The following DRC11 variants were observed in gnomAD, a reference collection of about 807,000 sequenced individuals.
DRC11 encodes IQ and AAA domain-containing protein 1.
the DRC11 span, among the ~76,000 whole-genome samples, chr2:236,351,507 AAAG>A: frequency 6.6e-6 from 1 of 152,178 alleles, no homozygotes; most frequent in African/African-American, 2.4e-5. The surrounding 1 kb of genome is among the most constrained non-coding windows in gnomAD (Gnocchi z 7.3). Flanking sequence ...AGGGGTCAGA[AAAG>A]TGCACGGCCA....
the DRC11 span, chr2:236,497,391 A>C: frequency 6.2e-7 from 1 of 1,613,890 alleles, no homozygotes; most frequent in South Asian, 1.1e-5. The surrounding 1 kb of genome is among the most constrained non-coding windows in gnomAD (Gnocchi z 5.1). Flanking sequence ...GAAAGATGAA[A>C]ACCTGATTTC....
the DRC11 span, among the ~76,000 whole-genome samples, chr2:236,445,713 T>C: frequency 6.6e-6 from 1 of 152,144 alleles, no homozygotes; most frequent in Admixed American, 6.6e-5. This position sits in a 1 kb window ranked among gnomAD's most constrained non-coding sequence, Gnocchi z 4.8. Flanking sequence ...ATCTGAAATT[T>C]AATTAGTCTT....
chr2:236,336,883 T>A, the DRC11 span, among the ~76,000 whole-genome samples: 1 of 152,182 alleles, frequency 6.6e-6, no homozygotes, highest in African/African-American at 2.4e-5. The surrounding 1 kb of genome is among the most constrained non-coding windows in gnomAD (Gnocchi z 7.3). Context: ...GCCTTCCTCT[T>A]GACCACAGAG....
the DRC11 span, among the ~76,000 whole-genome samples, chr2:236,406,291 A>G: frequency 6.6e-6 from 1 of 152,258 alleles, no homozygotes; most frequent in African/African-American, 2.4e-5. This position sits in a 1 kb window ranked among gnomAD's most constrained non-coding sequence, Gnocchi z 4.7. Context: ...TACTGCTATT[A>G]TTTCCTGCCT....
At chr2:236,486,836 AG>A in the DRC11 span, 1 of 1,608,314 alleles carries the variant, frequency 6.2e-7, no homozygotes, top group Non-Finnish European at 8.5e-7. The surrounding 1 kb of genome is among the most constrained non-coding windows in gnomAD (Gnocchi z 5.7). Flanking sequence ...TACCATACCC[AG>A]GAAGATCATC....
At chr2:236,329,251 C>T in the DRC11 span, among the ~76,000 whole-genome samples, 1 of 152,202 alleles carries the variant, frequency 6.6e-6, no homozygotes, top group Non-Finnish European at 1.5e-5. Context: ...GCCTTAATCC[C>T]CCTGTGCCGT....
chr2:236,313,789 T>G, the DRC11 span, among the ~76,000 whole-genome samples: 2 of 152,198 alleles, frequency 1.3e-5, no homozygotes, highest in South Asian at 2.1e-4. The surrounding 1 kb of genome is among the most constrained non-coding windows in gnomAD (Gnocchi z 4.5). Flanking sequence ...GGAATTATGC[T>G]GAGTGAAAAA....
the DRC11 span, among the ~76,000 whole-genome samples, chr2:236,458,532 A>G: frequency 6.6e-6 from 1 of 152,234 alleles, no homozygotes. Context: ...GCAAATGTAC[A>G]TATAAAATGC....
chr2:236,381,437 T>C, the DRC11 span, among the ~76,000 whole-genome samples: 1 of 151,382 alleles, frequency 6.6e-6, no homozygotes, highest in Non-Finnish European at 1.5e-5. This position sits in a 1 kb window ranked among gnomAD's most constrained non-coding sequence, Gnocchi z 5.8. Flanking sequence ...AACGTTGTTA[T>C]AGCAGTCCAA....
the DRC11 span, among the ~76,000 whole-genome samples, chr2:236,311,821 A>G: frequency 6.6e-6 from 1 of 151,992 alleles, no homozygotes; most frequent in Non-Finnish European, 1.5e-5. The surrounding 1 kb of genome is among the most constrained non-coding windows in gnomAD (Gnocchi z 6.9). Context: ...GGAGTGTGAC[A>G]GGATGCTAAG....
the DRC11 span, among the ~76,000 whole-genome samples, chr2:236,369,524 T>C: frequency 1.3e-5 from 2 of 152,208 alleles, no homozygotes; most frequent in Non-Finnish European, 2.9e-5. The surrounding 1 kb of genome is among the most constrained non-coding windows in gnomAD (Gnocchi z 4.5). Context: ...CCAGCGCTCA[T>C]TGCCAGTAAA....
the DRC11 span, among the ~76,000 whole-genome samples, chr2:236,365,115 C>T: frequency 2.0e-5 from 3 of 151,942 alleles, no homozygotes; most frequent in Non-Finnish European, 4.4e-5. The surrounding 1 kb of genome is among the most constrained non-coding windows in gnomAD (Gnocchi z 7.4). Flanking sequence ...CTGTGGTAGC[C>T]CTGGCTGGGA....
chr2:236,312,561 T>A, the DRC11 span, among the ~76,000 whole-genome samples: 1 of 152,056 alleles, frequency 6.6e-6, no homozygotes, highest in East Asian at 1.9e-4. Context: ...GGAGATAGAT[T>A]TTCAGAAAAA....
chr2:236,367,108 C>T, the DRC11 span, among the ~76,000 whole-genome samples: 1 of 150,776 alleles, frequency 6.6e-6, no homozygotes, highest in Non-Finnish European at 1.5e-5. The surrounding 1 kb of genome is among the most constrained non-coding windows in gnomAD (Gnocchi z 4.8). Context: ...GCGTGAGCCA[C>T]TATGCCTGGC....
the DRC11 span, chr2:236,503,539 G>A: frequency 1.6e-6 from 2 of 1,225,228 alleles, no homozygotes; most frequent in African/African-American, 3.0e-5. This position sits in a 1 kb window ranked among gnomAD's most constrained non-coding sequence, Gnocchi z 4.9. Context: ...CAGTCTGTCT[G>A]GGGAATCCCT....
the DRC11 span, among the ~76,000 whole-genome samples, chr2:236,461,220 T>C: frequency 1.3e-5 from 2 of 152,184 alleles, no homozygotes; most frequent in Non-Finnish European, 2.9e-5. This position sits in a 1 kb window ranked among gnomAD's most constrained non-coding sequence, Gnocchi z 4.0. Context: ...AATCATTTCA[T>C]TTACAGAAAA....
chr2:236,320,289 C>T, the DRC11 span, among the ~76,000 whole-genome samples: 3 of 152,150 alleles, frequency 2.0e-5, no homozygotes, highest in African/African-American at 4.8e-5. Flanking sequence ...TTCGCATCAT[C>T]GCGTGCTTCT....
chr2:236,342,792 C>T, the DRC11 span, among the ~76,000 whole-genome samples: 7 of 152,262 alleles, frequency 4.6e-5, no homozygotes, highest in South Asian at 6.2e-4. The surrounding 1 kb of genome is among the most constrained non-coding windows in gnomAD (Gnocchi z 5.8). Context: ...CAGGTCCCCT[C>T]GCCGGCCTTG....
the DRC11 span, among the ~76,000 whole-genome samples, chr2:236,440,325 G>T: frequency 6.6e-6 from 1 of 152,106 alleles, no homozygotes. Context: ...GTGGGCAGTT[G>T]GGGAAAATTT....
Sources: gnomAD v4.1 joint callset for allele counts (sites outside exome capture counted in the v4.1 genomes callset) on GRCh38, gnomAD v4.1.1 for gene constraint, Gnocchi (gnomAD v3.1) non-coding constraint, MANE v1.5 for transcripts, NCBI Gene and HGNC (gene_info 2026-07-23, HGNC 2026-07-21) for gene names.